MKLN1: variants seen among roughly 807,000 people sequenced by gnomAD.
MKLN1 encodes the protein muskelin 1.
Under a neutral mutation model 99.0 loss-of-function variants are expected in MKLN1, and 18 were observed. That is an observed-to-expected ratio of 0.18 (90% CI 0.13 to 0.27). The LOEUF is 0.27. Ranked by LOEUF, MKLN1 falls within the 10% of genes least tolerant of loss-of-function variation. The pLI, the probability that MKLN1 is intolerant of heterozygous loss-of-function variation, is 1.00. For missense variants in MKLN1, 621 were observed against 875.9 expected, an observed-to-expected ratio of 0.71 and a Z score of 3.67; for synonymous variants, 288 against 293.2, an observed-to-expected ratio of 0.98 and a Z score of 0.18.
chr7:131,261,384 A>G (rs1408748166), intron 3 of MKLN1, among the ~76,000 whole-genome samples: 1 of 152,232 alleles, frequency 6.6e-6, no homozygotes, highest in Non-Finnish European at 1.5e-5. Context: ...GCCAATAAGC[A>G]TATGAAAAAA....
chr7:131,455,971 G>A (rs1563357672), intron 12 of MKLN1, among the ~76,000 whole-genome samples: 2 of 152,030 alleles, frequency 1.3e-5, no homozygotes, highest in Admixed American at 6.5e-5. Context: ...GCTGGAACTT[G>A]GGAGGCAGAG....
chr7:131,139,304 C>A (rs1795696819), intron 1 of MKLN1, among the ~76,000 whole-genome samples: 1 of 152,078 alleles, frequency 6.6e-6, no homozygotes, highest in African/African-American at 2.4e-5. Flanking sequence ...GGTCTATTGG[C>A]TCTAACCCAT....
intron 2 of MKLN1, among the ~76,000 whole-genome samples, chr7:131,164,500 G>T (rs1041738178): frequency 1.3e-5 from 2 of 152,102 alleles, no homozygotes; most frequent in Non-Finnish European, 2.9e-5. Context: ...TAAGATTAAT[G>T]CAAGCCAAAA....
intron 3 of MKLN1, among the ~76,000 whole-genome samples, chr7:131,287,352 GC>G (rs1798147748): frequency 6.6e-6 from 1 of 152,204 alleles, no homozygotes; most frequent in Non-Finnish European, 1.5e-5. Flanking sequence ...TCAAGTGTTG[GC>G]AAGGCCACAC....
chr7:131,195,002 G>C (rs1017424487), intron 2 of MKLN1, among the ~76,000 whole-genome samples: 1 of 152,066 alleles, frequency 6.6e-6, no homozygotes, highest in Non-Finnish European at 1.5e-5. Flanking sequence ...CTGTCAACAC[G>C]GGCACCTCCA....
At chr7:131,444,784 T>A (rs536006310) in intron 11 of MKLN1, among the ~76,000 whole-genome samples, 4 of 146,084 alleles carry the variant, frequency 2.7e-5, no homozygotes, top group African/African-American at 5.0e-5. Flanking sequence ...GTAGTAGTAG[T>A]AGTAGTAGTA....
chr7:131,226,803 GT>G (rs952296173), intron 3 of MKLN1, among the ~76,000 whole-genome samples: 1 of 151,770 alleles, frequency 6.6e-6, no homozygotes, highest in Non-Finnish European at 1.5e-5. Context: ...GTTTGTTGGG[GT>G]TTTTTTTGTT....
chr7:131,445,839 T>G lies in MKLN1; in HGVS notation c.1461T>G (p.Ser487Arg). 2 of 1,610,262 alleles carry G rather than the reference T, an allele frequency of 1.2e-6. No individual in the cohort carries two copies. The highest frequency in any genetic ancestry group is 1.7e-6 in the Non-Finnish European group (2 of 1,177,302). Reference protein sequence around the residue: ...RSKTYLNDFFSYDVDSDHVDI... With the variant: ...RSKTYLNDFFRYDVDSDHVDI... ...AGACCTATTTGAATGATTTCTTTAG[T>G]TATGATGTGGACTCTGATCATGTAG... The change falls in exon 12 of 18, where the codon AGT (serine) becomes AGG (arginine). Residue 487 changes from serine to arginine, a missense_variant. By Grantham distance (110) the Ser-to-Arg change is moderately radical (BLOSUM62 -1). Around this residue, in one of 8 missense-constraint regions of MKLN1, gnomAD observed 361 missense variants for 540.8 expected, o/e 0.67. Transcript: ENST00000352689.
intron 2 of MKLN1, among the ~76,000 whole-genome samples, chr7:131,176,159 A>G (rs1323753581): frequency 6.6e-6 from 1 of 152,128 alleles, no homozygotes; most frequent in Non-Finnish European, 1.5e-5. Flanking sequence ...AACATATCCT[A>G]TATATTTTTA....
intron 1 of MKLN1, among the ~76,000 whole-genome samples, chr7:131,136,289 G>A (rs1795647856): frequency 6.6e-6 from 1 of 152,200 alleles, no homozygotes. Flanking sequence ...AGGAAGAGGT[G>A]AATGTGGAAA....
chr7:131,382,175 G>T (rs1240531171), intron 2 of MKLN1, among the ~76,000 whole-genome samples: 2 of 152,064 alleles, frequency 1.3e-5, no homozygotes, highest in African/African-American at 2.4e-5. Flanking sequence ...GACCAGCCTG[G>T]CCAACATGGC....
chr7:131,451,165 A>G (rs1199980481), intron 12 of MKLN1, among the ~76,000 whole-genome samples: 1 of 152,170 alleles, frequency 6.6e-6, no homozygotes, highest in Non-Finnish European at 1.5e-5. Context: ...AAATTCCCAC[A>G]TTTTTAAAAT....
rs1797529286 is a variant in MKLN1 at position 131,495,347 on chromosome 7, T to A, written c.*7619T>A. On this transcript the variant is annotated 3_prime_UTR_variant, in exon 18 of 18. Coordinates refer to ENST00000352689, the MANE Select transcript of MKLN1 (RefSeq NM_013255.5). ...ATCGCTCCTTCTGTTTGTGAAAACA[T>A]CTCCTGGACTGGAAATGTGGTGCTG... is the stretch of plus-strand genomic sequence containing the variant. 6.6e-6 allele frequency: 1 copy of A among 152,162 alleles called. No homozygotes were observed. The highest frequency in any genetic ancestry group is 1.5e-5 in the Non-Finnish European group (1 of 68,036). The allele number at this position is 152,162 out of a possible 1,614,324, so 9.4% of individuals were successfully genotyped here.
intron 2 of MKLN1, among the ~76,000 whole-genome samples, chr7:131,191,921 T>C (rs1796547538): frequency 6.7e-6 from 1 of 149,748 alleles, no homozygotes; most frequent in East Asian, 1.9e-4. Flanking sequence ...GTTTTCACCA[T>C]GTTGCCCAGG....
At chr7:131,397,975 T>G (rs1794407003) in intron 5 of MKLN1, among the ~76,000 whole-genome samples, 1 of 152,200 alleles carries the variant, frequency 6.6e-6, no homozygotes. Context: ...TAATTATAAT[T>G]AAGTTGTTAA....
intron 1 of MKLN1, among the ~76,000 whole-genome samples, chr7:131,337,636 G>A (rs1020840771): frequency 6.6e-6 from 1 of 151,748 alleles, no homozygotes; most frequent in African/African-American, 2.4e-5. Flanking sequence ...TAAAGTCTGT[G>A]TCTGAAAACT....
intron 3 of MKLN1, among the ~76,000 whole-genome samples, chr7:131,236,747 G>A (rs1219360247): frequency 1.3e-5 from 2 of 152,118 alleles, no homozygotes; most frequent in African/African-American, 2.4e-5. Context: ...TGCTTTGGGA[G>A]GCATAGGTGG....
At chr7:131,439,448 G>A (rs1452567567) in intron 10 of MKLN1, among the ~76,000 whole-genome samples, 10 of 152,162 alleles carry the variant, frequency 6.6e-5, no homozygotes, top group African/African-American at 1.2e-4. Context: ...AGATGGTACA[G>A]CAGAACACTG....
chr7:131,385,403 G>A (rs1793982788), intron 2 of MKLN1, among the ~76,000 whole-genome samples: 2 of 151,378 alleles, frequency 1.3e-5, no homozygotes, highest in African/African-American at 2.4e-5. Context: ...TCTTGGTCGT[G>A]TAGTAATTCT....
Sources: gnomAD v4.1 joint callset for allele counts (sites outside exome capture counted in the v4.1 genomes callset) on GRCh38, gnomAD v4.1.1 for gene constraint, gnomAD v4.1.1 regional missense constraint, MANE v1.5 for transcripts, NCBI Gene and HGNC (gene_info 2026-07-23, HGNC 2026-07-21) for gene names.